RBFOX2: variants seen among roughly 807,000 people sequenced by gnomAD.
RBFOX2 encodes the protein RNA binding fox-1 homolog 2.
A neutral mutation model predicts 49.1 loss-of-function variants in RBFOX2; 10 were observed. The observed-to-expected ratio is 0.20, with a 90% CI of 0.13 to 0.35. The LOEUF (loss-of-function observed/expected upper bound fraction) is 0.35, where lower values mean the gene tolerates loss of function less well. Ranked by LOEUF, RBFOX2 falls within the 10% of genes least tolerant of loss-of-function variation. RBFOX2 has a pLI of 1.00. For synonymous variants in RBFOX2, 183 were observed against 187.4 expected (o/e 0.98, Z 0.19); for missense variants, 323 against 486.9 (o/e 0.66, Z 3.17).
intron 1 of RBFOX2, among the ~76,000 whole-genome samples, chr22:35,915,000 T>C (rs542633673): frequency 6.6e-6 from 1 of 152,204 alleles, no homozygotes; most frequent in Non-Finnish European, 1.5e-5. Flanking sequence ...TCGTGTGCTC[T>C]AGGTGCTTGA....
chr22:35,940,234 T>G (rs1202536226), upstream of RBFOX2, among the ~76,000 whole-genome samples: 1 of 152,166 alleles, frequency 6.6e-6, no homozygotes, highest in African/African-American at 2.4e-5. Context: ...CTAACACATG[T>G]AGACACCCAA....
chr22:35,997,939 C>T (rs1397311388), intron 1 of RBFOX2: 1 of 152,190 alleles, frequency 6.6e-6, no homozygotes, highest in African/African-American at 2.4e-5. Flanking sequence ...GAAGTCAAGG[C>T]TGCAGTGAGC....
At chr22:35,940,959 T>C (rs531529345), upstream of RBFOX2, among the ~76,000 whole-genome samples, 5 of 152,252 alleles carry the variant, frequency 3.3e-5, no homozygotes, top group Non-Finnish European at 7.4e-5. Context: ...GCTACCAGGT[T>C]TATCTGGAGG....
intron 9 of RBFOX2, among the ~76,000 whole-genome samples, chr22:35,755,664 A>C (rs1936648701): frequency 6.6e-6 from 1 of 152,234 alleles, no homozygotes; most frequent in African/African-American, 2.4e-5. Flanking sequence ...TAATGATCTA[A>C]AGAGGGATGT....
At chr22:35,972,297 C>A (rs547777156) in intron 1 of RBFOX2, among the ~76,000 whole-genome samples, 1 of 152,032 alleles carries the variant, frequency 6.6e-6, no homozygotes, top group Non-Finnish European at 1.5e-5. Flanking sequence ...TCTTCTAAAT[C>A]ATGCAAAAAG....
At chr22:35,994,868 A>C (rs1406171134) in intron 1 of RBFOX2, 1 of 152,174 alleles carries the variant, frequency 6.6e-6, no homozygotes, top group African/African-American at 2.4e-5. Context: ...TGGCTACCGT[A>C]TTACCATATT....
chr22:35,938,184 C>G (rs2053311344), intron 1 of RBFOX2, among the ~76,000 whole-genome samples: 3 of 152,174 alleles, frequency 2.0e-5, no homozygotes, highest in Admixed American at 2.0e-4. Context: ...GAAGCCTTAC[C>G]TGTTCTTCTA....
intron 1 of RBFOX2, among the ~76,000 whole-genome samples, chr22:35,865,927 AAC>A (rs1386455078): frequency 7.9e-5 from 12 of 152,242 alleles, no homozygotes; most frequent in African/African-American, 2.9e-4. Context: ...TAAAATTGTT[AAC>A]ACAATAAGCA....
At chr22:35,840,623 C>CGTGCGTGTGTGTGTGT (rs1958585003), upstream of RBFOX2, 1 of 1,067,246 alleles carries the variant, frequency 9.4e-7, no homozygotes, top group African/African-American at 1.9e-5. Flanking sequence ...CGCGTGTGTG[C>CGTGCGTGTGTGTGTGT]GTGTGTGCGT....
intron 1 of RBFOX2, among the ~76,000 whole-genome samples, chr22:35,893,445 C>G (rs889516179): frequency 2.0e-5 from 3 of 152,214 alleles, no homozygotes; most frequent in African/African-American, 7.2e-5. Flanking sequence ...AACTTGCTTC[C>G]TTTCATAACT....
intron 1 of RBFOX2, among the ~76,000 whole-genome samples, chr22:35,887,072 T>G (rs2046669496): frequency 6.6e-6 from 1 of 152,188 alleles, no homozygotes; most frequent in Non-Finnish European, 1.5e-5. Flanking sequence ...GGTTCCAAAT[T>G]TAGTCCTTAA....
intron 9 of RBFOX2, among the ~76,000 whole-genome samples, chr22:35,748,856 C>T (rs574898357): frequency 2.0e-5 from 3 of 152,306 alleles, no homozygotes; most frequent in African/African-American, 7.2e-5. Flanking sequence ...AGTACTCAAC[C>T]AAGGGTAGGT....
chr22:35,745,999 G>C lies in RBFOX2; in HGVS notation c.977-4C>G. 1 of 1,610,994 alleles carries C rather than the reference G, an allele frequency of 6.2e-7. No individual in the cohort carries two copies. On this transcript the variant is annotated splice_region_variant and splice_polypyrimidine_tract_variant and intron_variant, in intron 10 of 11. Transcript: ENST00000405409. ...GGCTGTGTACACCCTGCCATAACTG[G>C]AAAGAAGAAACACAATCAGACAGAT...
chr22:35,994,462 G>A (rs1434011202), intron 1 of RBFOX2: 1 of 151,398 alleles, frequency 6.6e-6, no homozygotes, highest in Non-Finnish European at 1.5e-5. Flanking sequence ...CCAGAGTACA[G>A]CAGCACGATC....
At chr22:35,908,865 T>TG (rs1425235925) in intron 1 of RBFOX2, among the ~76,000 whole-genome samples, 12 of 150,364 alleles carry the variant, frequency 8.0e-5, no homozygotes, top group Non-Finnish European at 1.8e-4. Context: ...TTTTTTGAGA[T>TG]GGAGTCTCGC....
At chr22:35,844,805 CT>C (rs2148900397), upstream of RBFOX2, among the ~76,000 whole-genome samples, 1 of 152,154 alleles carries the variant, frequency 6.6e-6, no homozygotes, top group South Asian at 2.1e-4. Context: ...CGCGCCTGGC[CT>C]TACTTCAGTT....
At chr22:35,868,073 G>A (rs2149156335) in intron 1 of RBFOX2, among the ~76,000 whole-genome samples, 1 of 152,012 alleles carries the variant, frequency 6.6e-6, no homozygotes, top group Admixed American at 6.5e-5. Context: ...TTAGCTGGGT[G>A]TGGTGGTGTG....
At chr22:35,815,785 T>A (rs1271181065) in intron 1 of RBFOX2, among the ~76,000 whole-genome samples, 1 of 152,234 alleles carries the variant, frequency 6.6e-6, no homozygotes, top group African/African-American at 2.4e-5. Flanking sequence ...ATTAATTTTC[T>A]AGGATTATAA....
At chr22:35,954,625 G>A (rs1322480765) in intron 1 of RBFOX2, among the ~76,000 whole-genome samples, 1 of 152,162 alleles carries the variant, frequency 6.6e-6, no homozygotes, top group African/African-American at 2.4e-5. Context: ...TACATGATTA[G>A]GTTCCAAATA....
Sources: allele counts gnomAD v4.1 joint callset (sites outside exome capture counted in the v4.1 genomes callset), GRCh38; gene constraint gnomAD v4.1.1; transcripts MANE v1.5; gene names NCBI Gene and HGNC (gene_info 2026-07-23, HGNC 2026-07-21).